NCAPG: variants seen among roughly 807,000 people sequenced by gnomAD.
NCAPG encodes the protein condensin complex subunit 3.
Under a neutral mutation model 113.1 loss-of-function variants are expected in NCAPG, and 69 were observed. That is an observed-to-expected ratio of 0.61 (90% CI 0.50 to 0.75). The LOEUF (loss-of-function observed/expected upper bound fraction) is 0.75. Among genes scored for constraint, NCAPG ranks in the 30% least tolerant of loss-of-function variants. The probability of loss-of-function intolerance (pLI) is 0.00; values close to 1 mark genes in which losing one functional copy is unlikely to be tolerated. For missense variants in NCAPG, 1,058 were observed against 1,177.0 expected (o/e 0.90, Z 1.48); for synonymous variants, 370 against 415.8 (o/e 0.89, Z 1.34).
chr4:17,836,316 CTT>C (rs767389914), intron 14 of NCAPG, among the ~76,000 whole-genome samples: 50 of 152,104 alleles, frequency 3.3e-4, no homozygotes, highest in Non-Finnish European at 6.5e-4. Context: ...GGTTGGTTGT[CTT>C]TATAGAGTTC....
intron 16 of NCAPG, 39 bp from the exon 17 acceptor site, chr4:17,839,634 AATC>A: frequency 3.0e-6 from 4 of 1,316,686 alleles, no homozygotes; most frequent in Non-Finnish European, 4.1e-6. Flanking sequence ...TAATAATCAT[AATC>A]ATCTTCAATT....
At chr4:17,838,711 A>G (rs1053755367) in intron 16 of NCAPG, among the ~76,000 whole-genome samples, 2 of 152,174 alleles carry the variant, frequency 1.3e-5, no homozygotes, top group Non-Finnish European at 2.9e-5. Context: ...TTAGGGCACA[A>G]CACTGGGGGT....
intron 8 of NCAPG, 93 bp downstream of exon 8, chr4:17,823,216 C>T: frequency 8.1e-7 from 1 of 1,233,728 alleles, no homozygotes; most frequent in Non-Finnish European, 1.1e-6. Flanking sequence ...ACATATTTAC[C>T]CTAGCTCTCT....
At position 17,814,948 on chromosome 4, in the gene NCAPG, G is replaced by A; in HGVS notation, c.640G>A (p.Val214Ile). Residue 214 changes from valine (V) to isoleucine (I), a missense_variant, in exon 4 of 21, where the codon GTA (valine) becomes ATA (isoleucine). Physicochemically the swap from Val to Ile is conservative, Grantham distance 29 (BLOSUM62 3). Transcript: ENST00000251496. ...ATCAGCAAAGACTTTGCCAAAAATTGTAGGGCGCACCAAGGATGTGAAAGA... is the reference window on the plus strand; with the variant it reads ...ATCAGCAAAGACTTTGCCAAAAATTATAGGGCGCACCAAGGATGTGAAAGA... ...APSAKTLPKI[V>I]GRTKDVKEAV... is the part of the protein sequence containing the mutation. The A allele has an allele frequency of 6.2e-7, 1 of 1,614,198 alleles. No individual in the cohort carries two copies. The highest frequency in any genetic ancestry group is 8.5e-7 in the Non-Finnish European group (1 of 1,180,030).
Position 17,837,698 on chromosome 4 carries a change from C to T in NCAPG, c.2363C>T (p.Ser788Phe). 2.5e-6 allele frequency: 4 copies of T among 1,614,020 alleles called. No homozygotes were observed. The highest frequency in any genetic ancestry group is 2.2e-5 in the South Asian group (2 of 91,082). The change falls in exon 16 of 21, where the codon TCT (serine) becomes TTT (phenylalanine). Residue 788 changes from serine to phenylalanine, a missense_variant. Transcript: ENST00000251496. ...ACACTGGCCAATGCCCCTGCATCTT[C>T]TCCTTTAGCTGAAATTGATATCACA... ...LQTLANAPAS[S>F]PLAEIDITNV...
At chr4:17,836,955 G>A (rs887993963) in intron 14 of NCAPG, among the ~76,000 whole-genome samples, 5 of 152,062 alleles carry the variant, frequency 3.3e-5, no homozygotes, top group African/African-American at 1.2e-4. Context: ...CTAAGCATTT[G>A]TCTAGTCTCC....
At chr4:17,817,561 ACT>A (rs745809094) in intron 6 of NCAPG, 108 bp downstream of exon 6, 6 of 850,266 alleles carry the variant, frequency 7.1e-6, no homozygotes, top group Non-Finnish European at 1.1e-5. Context: ...TTTAATCTTA[ACT>A]CTCTTTTGTT....
At chr4:17,821,120 TAAAA>T (rs540321812) in intron 7 of NCAPG, among the ~76,000 whole-genome samples, 1 of 147,168 alleles carries the variant, frequency 6.8e-6, no homozygotes, top group East Asian at 2.0e-4. Flanking sequence ...TGAATTTACT[TAAAA>T]AAAAAAACTC....
chr4:17,826,416 C>T (rs985249583), intron 11 of NCAPG, among the ~76,000 whole-genome samples: 3 of 152,142 alleles, frequency 2.0e-5, no homozygotes, highest in Admixed American at 1.3e-4. Flanking sequence ...GACATCCCAA[C>T]TCCAACACCC....
chr4:17,819,769 G>C (rs182255393), intron 7 of NCAPG, among the ~76,000 whole-genome samples: 1 of 152,002 alleles, frequency 6.6e-6, no homozygotes, highest in Non-Finnish European at 1.5e-5. Context: ...ATGAAGTACA[G>C]TTCTCTGCTT....
intron 3 of NCAPG, 163 bp downstream of exon 3, chr4:17,813,308 A>T (rs1042254857): frequency 1.9e-6 from 1 of 521,396 alleles, no homozygotes; most frequent in Admixed American, 3.8e-5. Context: ...CAGCTTAAAA[A>T]AAAAAGTCAG....
At chr4:17,842,711 C>T (rs769894686) in intron 20 of NCAPG, 8 of 222,620 alleles carry the variant, frequency 3.6e-5, no homozygotes, top group Non-Finnish European at 7.2e-5. Context: ...CACTTACATA[C>T]TGATAGAATA....
At position 17,837,118 on chromosome 4, in the gene NCAPG, GA is replaced by G. The variant is rs1306934872; in HGVS notation, c.2110-40del. 3 of 1,576,550 alleles carry G rather than the reference GA, an allele frequency of 1.9e-6. No individual in the cohort carries two copies. The Admixed American group carries it at 5.1e-5, about 27-fold the overall frequency. On this transcript the variant is annotated intron_variant, in intron 14 of 20. Coordinates refer to ENST00000251496, the MANE Select transcript of NCAPG (RefSeq NM_022346.5). ...GCTACATTGAGAGGCTTAAAAAGGA[GA>G]TACAAATAAATTTCTTCTAATGAAT...
rs1264624573 is a variant in NCAPG, at chr4:17,839,746, A to C, written c.2537A>C (p.Glu846Ala). The C allele has an allele frequency of 6.3e-7, 1 of 1,588,028 alleles. No individual in the cohort carries two copies. The highest frequency in any genetic ancestry group is 8.5e-7 in the Non-Finnish European group (1 of 1,173,654). The change falls in exon 17 of 21, where the codon GAA becomes GCA. Residue 846 changes from glutamate (E) to alanine (A), a missense_variant. Physicochemically the swap from Glu to Ala is moderately radical, Grantham distance 107. Transcript: ENST00000251496. ...NEILTSPCSP[E>A]IRVYTKALSS... Reference sequence around the variant, plus strand: ...ATCTTAACAAGTCCGTGCTCGCCAGAAATTCGAGTCTATACAAAAGCCTTG... The same window carrying C: ...ATCTTAACAAGTCCGTGCTCGCCAGCAATTCGAGTCTATACAAAAGCCTTG...
intron 7 of NCAPG, among the ~76,000 whole-genome samples, chr4:17,818,968 A>T (rs1407029635): frequency 6.6e-6 from 1 of 152,220 alleles, no homozygotes; most frequent in African/African-American, 2.4e-5. Flanking sequence ...CTAAGTGTAT[A>T]TTCTAGCAAC....
chr4:17,837,825 GC>G, intron 16 of NCAPG, 24 bp downstream of exon 16: 1 of 1,612,136 alleles, frequency 6.2e-7, no homozygotes, highest in Non-Finnish European at 8.5e-7. Flanking sequence ...GTAACTGCAT[GC>G]AGATCACTGT....
chr4:17,814,859 C>G lies in NCAPG; in HGVS notation c.551C>G (p.Ala184Gly), dbSNP rs1261733522. 6.2e-7 allele frequency: 1 copy of G among 1,613,774 alleles called. No homozygotes were observed. The highest frequency in any genetic ancestry group is 1.1e-5 in the South Asian group (1 of 91,036). Residue 184 changes from alanine (A) to glycine (G), a missense_variant, in exon 4 of 21, where the codon GCT (alanine) becomes GGT (glycine). Physicochemically the swap from Ala to Gly is moderately conservative, Grantham distance 60. Transcript: ENST00000251496. ...DDECPVVNAY[A>G]TLIENDSNPE... The stretch of plus-strand genomic sequence containing the variant: ...TGTATTGCTTTATTTTTAGCATATG[C>G]TACTTTGATTGAAAATGATTCAAAT...
rs1004582211 is a variant in NCAPG at position 17,821,760 on chromosome 4, C to T, written c.1119-1223C>T. On this transcript the variant is annotated intron_variant, in intron 7 of 20. Coordinates refer to ENST00000251496, the MANE Select transcript of NCAPG (RefSeq NM_022346.5). ...GATTACAGGTGTGAGCCACTGTGCC[C>T]GGCGACATTTTTGACATTTTTTAAA... Among the ~76,000 whole-genome samples the T allele has an allele frequency of 7.7e-5, 11 of 143,788 alleles. No homozygotes were observed. In the Middle Eastern group the frequency reaches 0.011, roughly 138 times the overall value. 94.3% of individuals were successfully genotyped at this position (143,788 alleles called of 152,430 possible). A position where few individuals can be genotyped will look rare whatever the true frequency, so the allele number is the denominator to read the frequency against.
At chr4:17,843,207 G>A in intron 20 of NCAPG, 95 bp from the exon 21 acceptor site, 13 of 1,361,222 alleles carry the variant, frequency 9.6e-6, no homozygotes, top group Non-Finnish European at 1.3e-5. Context: ...ATTAAACACT[G>A]ATAGAATGTG....
Sources: gnomAD v4.1 joint callset for allele counts (sites outside exome capture counted in the v4.1 genomes callset) on GRCh38, gnomAD v4.1.1 for gene constraint, MANE v1.5 for transcripts, NCBI Gene and HGNC (gene_info 2026-07-23, HGNC 2026-07-21) for gene names.